The following FARS2 variants were observed in gnomAD, a reference collection of about 807,000 sequenced individuals.
FARS2 encodes the protein phenylalanyl-tRNA synthetase 2, mitochondrial.
In FARS2, 40 loss-of-function variants were observed where a neutral mutation model predicts 46.4. The observed-to-expected ratio is 0.86, with a 90% CI of 0.67 to 1.12. The LOEUF is 1.12. FARS2 is among the 50% of genes most tolerant of loss of function. The probability of loss-of-function intolerance (pLI) is 0.00; values close to 1 mark genes in which losing one functional copy is unlikely to be tolerated. For synonymous variants in FARS2, 234 were observed against 214.9 expected (o/e 1.09, Z -0.78); for missense variants, 513 against 567.9 (o/e 0.90, Z 0.98).
At chr6:5,312,086 G>A (rs550334946) in intron 1 of FARS2, among the ~76,000 whole-genome samples, 226 of 152,268 alleles carry the variant, frequency 1.5e-3, no homozygotes, top group African/African-American at 5.3e-3. Flanking sequence ...TGTGTAGAAT[G>A]TCTGAAACTT....
At chr6:5,505,581 T>TA (rs2150390859) in intron 4 of FARS2, among the ~76,000 whole-genome samples, 1 of 152,320 alleles carries the variant, frequency 6.6e-6, no homozygotes, top group South Asian at 2.1e-4. Flanking sequence ...TAAATGTCCA[T>TA]AAAATCTTCA....
chr6:5,321,160 T>C (rs542747610), intron 1 of FARS2, among the ~76,000 whole-genome samples: 1 of 152,314 alleles, frequency 6.6e-6, no homozygotes, highest in South Asian at 2.1e-4. Flanking sequence ...TGTTCTTGGG[T>C]CACTTGTACA....
chr6:5,449,924 G>C (rs1340340791), intron 4 of FARS2, among the ~76,000 whole-genome samples: 1 of 152,194 alleles, frequency 6.6e-6, no homozygotes, highest in Admixed American at 6.5e-5. Context: ...ATGTGGGATT[G>C]ATTCCAGGAC....
intron 6 of FARS2, among the ~76,000 whole-genome samples, chr6:5,619,522 C>T (rs1338842860): frequency 6.6e-6 from 1 of 152,210 alleles, no homozygotes; most frequent in Admixed American, 6.5e-5. Context: ...CCTCCCTCAA[C>T]CCCAGGTCAC....
rs1003058092 is a variant in FARS2, at chr6:5,319,850, C to G, written c.-21-48700C>G. Among the ~76,000 whole-genome samples the G allele has an allele frequency of 3.4e-4, 51 of 152,112 alleles. 1 individual carries two copies. The highest frequency in any genetic ancestry group is 9.4e-4 in the African/African-American group (39 of 41,406). On this transcript the variant is annotated intron_variant, in intron 1 of 6. Transcript: ENST00000274680. ...GGAAATTCCTAAGCAGGAAAGCATT[C>G]AAGATGTGGCCAGACTGCTTCTAAC...
At chr6:5,353,726 G>GTTTTTTTTTTTTT (rs55998904) in intron 1 of FARS2, among the ~76,000 whole-genome samples, 20 of 40,356 alleles carry the variant, frequency 5.0e-4, no homozygotes, top group East Asian at 1.3e-3. Flanking sequence ...AATATTTGGT[G>GTTTTTTTTTTTTT]TTTTTTTTTT....
chr6:5,516,392 G>A (rs1768797008), intron 4 of FARS2, among the ~76,000 whole-genome samples: 1 of 152,142 alleles, frequency 6.6e-6, no homozygotes, highest in Admixed American at 6.5e-5. Flanking sequence ...AACCAAAAGG[G>A]TTTGCAATAG....
intron 4 of FARS2, among the ~76,000 whole-genome samples, chr6:5,543,863 A>G (rs1287964407): frequency 6.8e-6 from 1 of 147,262 alleles, no homozygotes; most frequent in African/African-American, 2.5e-5. Flanking sequence ...TTGAATCTGG[A>G]TTAGTTATGT....
chr6:5,362,927 C>CTTTTTTTTT (rs55686418), intron 1 of FARS2, among the ~76,000 whole-genome samples: 4 of 124,204 alleles, frequency 3.2e-5, no homozygotes, highest in Non-Finnish European at 4.9e-5. Flanking sequence ...TTCTTTCTTT[C>CTTTTTTTTT]TTTTTTTTTT....
At chr6:5,426,050 T>G (rs1267325656) in intron 3 of FARS2, among the ~76,000 whole-genome samples, 1 of 152,168 alleles carries the variant, frequency 6.6e-6, no homozygotes, top group Non-Finnish European at 1.5e-5. Context: ...ATACTTTCTT[T>G]TATGTGGCTC....
At chr6:5,452,967 G>A (rs1263059231) in intron 4 of FARS2, among the ~76,000 whole-genome samples, 1 of 152,166 alleles carries the variant, frequency 6.6e-6, no homozygotes, top group Non-Finnish European at 1.5e-5. Context: ...TTTGCAGGGT[G>A]TGCGGTGGGC....
the FARS2 span, among the ~76,000 whole-genome samples, chr6:5,250,289 C>G: frequency 6.6e-6 from 1 of 152,056 alleles, no homozygotes; most frequent in African/African-American, 2.4e-5. Context: ...AATTTAGAAA[C>G]TCTTGTAAAC....
chr6:5,609,298 T>G, intron 5 of FARS2: 1 of 1,093,400 alleles, frequency 9.1e-7, no homozygotes, highest in East Asian at 2.3e-5. Flanking sequence ...TTTCATGGTT[T>G]GGCAAAGTAT....
At chr6:5,380,971 ATTATTTATTTATTTATTTAT>A (rs370795967) in intron 2 of FARS2, among the ~76,000 whole-genome samples, 8 of 119,150 alleles carry the variant, frequency 6.7e-5, no homozygotes, top group Non-Finnish European at 1.3e-4. Flanking sequence ...CATTATAGCA[ATTATTTATTTATTTATTTAT>A]TTATTTATTT....
At chr6:5,760,913 T>C (rs1050410199) in intron 6 of FARS2, among the ~76,000 whole-genome samples, 1 of 152,242 alleles carries the variant, frequency 6.6e-6, no homozygotes, top group Non-Finnish European at 1.5e-5. Flanking sequence ...GCCAGCTTCC[T>C]ACGGTGATTG....
At chr6:5,438,652 G>T (rs1287355398) in intron 4 of FARS2, among the ~76,000 whole-genome samples, 1 of 151,926 alleles carries the variant, frequency 6.6e-6, no homozygotes, top group Non-Finnish European at 1.5e-5. Context: ...AATACATGTT[G>T]AATATCCATT....
chr6:5,561,805 G>T (rs541743907), intron 5 of FARS2, among the ~76,000 whole-genome samples: 5 of 152,034 alleles, frequency 3.3e-5, no homozygotes, highest in African/African-American at 1.2e-4. Flanking sequence ...GAGCTTCTTA[G>T]TTATCAGTTA....
intron 2 of FARS2, 99 bp downstream of exon 2, chr6:5,369,281 G>T: frequency 7.9e-7 from 1 of 1,271,386 alleles, no homozygotes; most frequent in Non-Finnish European, 1.1e-6. Flanking sequence ...AGTCATCCTT[G>T]CTTGCCTTAT....
At chr6:5,386,022 T>C (rs965436663) in intron 2 of FARS2, among the ~76,000 whole-genome samples, 2 of 152,148 alleles carry the variant, frequency 1.3e-5, no homozygotes, top group Non-Finnish European at 2.9e-5. Flanking sequence ...AAATAAGATA[T>C]TGACTAAGTG....
Sources: gnomAD v4.1 joint callset for allele counts (sites outside exome capture counted in the v4.1 genomes callset) on GRCh38, gnomAD v4.1.1 for gene constraint, MANE v1.5 for transcripts, NCBI Gene and HGNC (gene_info 2026-07-23, HGNC 2026-07-21) for gene names.